DMD: variants seen among roughly 807,000 people sequenced by gnomAD.
DMD encodes mutant dystrophin.
A neutral mutation model predicts 330.1 loss-of-function variants in DMD; 63 were observed. That is an observed-to-expected ratio of 0.19 (90% CI 0.16 to 0.24). DMD has a LOEUF of 0.24. Ranked by LOEUF, DMD falls within the 10% of genes least tolerant of loss-of-function variation. The pLI, the probability that DMD is intolerant of heterozygous loss-of-function variation, is 1.00. For missense variants in DMD, 3,344 were observed against 2,684.1 expected, an observed-to-expected ratio of 1.25 and a Z score of -5.43; for synonymous variants, 1,223 against 959.8, an observed-to-expected ratio of 1.27 and a Z score of -5.07.
At chrX:32,259,171 T>C (rs1271709022) in intron 43 of DMD, among the ~76,000 whole-genome samples, 1 of 109,651 alleles carries the variant, frequency 9.1e-6, no homozygotes, top group African/African-American at 3.3e-5. Flanking sequence ...AAATATCTGT[T>C]ACTTAATAGA....
chrX:31,944,541 G>C (rs186360905), intron 45 of DMD, among the ~76,000 whole-genome samples: 1 of 105,160 alleles, frequency 9.5e-6, no homozygotes, highest in East Asian at 3.0e-4. Flanking sequence ...GCAGTGGTGC[G>C]ATCTCGGCTC....
At chrX:32,489,291 G>T (rs940057115) in intron 20 of DMD, among the ~76,000 whole-genome samples, 1 of 109,135 alleles carries the variant, frequency 9.2e-6, no homozygotes, top group Non-Finnish European at 1.9e-5. Context: ...TTGGTGATAG[G>T]ACTTTTAAGA....
At chrX:31,578,831 C>G (rs2076220732) in intron 55 of DMD, among the ~76,000 whole-genome samples, 1 of 112,186 alleles carries the variant, frequency 8.9e-6, no homozygotes, top group African/African-American at 3.2e-5. Context: ...TTTCAACCAA[C>G]AATTATTATT....
intron 7 of DMD, among the ~76,000 whole-genome samples, chrX:32,713,750 T>C (rs896728333): frequency 1.8e-5 from 2 of 111,973 alleles, no homozygotes; most frequent in African/African-American, 6.5e-5. Context: ...GAGAGTCGCA[T>C]ACATACATGT....
intron 2 of DMD, among the ~76,000 whole-genome samples, chrX:32,966,163 A>G (rs886888220): frequency 2.7e-5 from 3 of 111,833 alleles, no homozygotes; most frequent in African/African-American, 9.7e-5. Context: ...TCTAATTTGT[A>G]TAGGGGGTTA....
At chrX:32,761,207 C>G (rs1018395947) in intron 7 of DMD, among the ~76,000 whole-genome samples, 1 of 111,759 alleles carries the variant, frequency 8.9e-6, no homozygotes, top group Non-Finnish European at 1.9e-5. Flanking sequence ...ACCCACCTGG[C>G]CTATCCAGGG....
chrX:32,042,459 T>C (rs1056118274), intron 44 of DMD, among the ~76,000 whole-genome samples: 6 of 110,519 alleles, frequency 5.4e-5, no homozygotes, highest in Non-Finnish European at 3.8e-5. Flanking sequence ...TCTGATCTCA[T>C]GATTCACTAT....
intron 48 of DMD, among the ~76,000 whole-genome samples, chrX:31,871,103 G>C: frequency 9.0e-6 from 1 of 111,314 alleles, no homozygotes; most frequent in Non-Finnish European, 1.9e-5. Flanking sequence ...CATATTTTAT[G>C]TCTAAATTGA....
In DMD at chrX:31,600,856, C is replaced by T. The variant is rs748144655; in HGVS notation, c.8217+26817G>A. Among the ~76,000 whole-genome samples, 5 of 107,171 alleles carry T rather than the reference C, an allele frequency of 4.7e-5. No homozygotes were observed. The East Asian group carries it at 8.8e-4, about 19-fold the overall frequency. 93.1% of individuals were successfully genotyped at this position (107,171 alleles called of 115,157 possible). A position where few individuals can be genotyped will look rare whatever the true frequency, so the allele number is the denominator to read the frequency against. ...TCTGAGAAACCTCTCTCCCCAACAA[C>T]GGCTTCAGGTCTAGGAGAGGTGACA... is the stretch of plus-strand genomic sequence containing the variant. On this transcript the variant is annotated intron_variant, in intron 55 of 78. Transcript: ENST00000357033.
rs1170607195 is a variant in DMD at position 32,517,996 on chromosome X, T to C, written c.2292+12A>G. The C allele has an allele frequency of 8.3e-7, 1 of 1,208,391 alleles. No individual in the cohort carries two copies. The highest frequency in any genetic ancestry group is 1.1e-6 in the Non-Finnish European group (1 of 893,768). On this transcript the variant is annotated intron_variant, in intron 18 of 78. Transcript: ENST00000357033. ...AAATGAGTACAGATATAAAAATTAA[T>C]GCATAACCTACATTGACTTTTTCTT...
At chrX:32,253,769 G>C (rs766658449) in intron 43 of DMD, among the ~76,000 whole-genome samples, 4 of 103,809 alleles carry the variant, frequency 3.9e-5, no homozygotes, top group Non-Finnish European at 7.9e-5. Flanking sequence ...GACTATAGGC[G>C]TGCACCACCA....
intron 1 of DMD, among the ~76,000 whole-genome samples, chrX:33,075,168 G>A (rs2094820414): frequency 1.8e-5 from 2 of 111,828 alleles, no homozygotes; most frequent in African/African-American, 6.5e-5. Context: ...TATATTTCAT[G>A]TCTGATGACT....
intron 63 of DMD, among the ~76,000 whole-genome samples, chrX:31,223,661 G>A (rs1291723465): frequency 1.8e-5 from 2 of 111,691 alleles, no homozygotes; most frequent in East Asian, 2.8e-4. Flanking sequence ...AGGCACAACT[G>A]GCTGGATTCA....
At chrX:31,958,202 A>T (rs5972463) in intron 45 of DMD, among the ~76,000 whole-genome samples, 36,676 of 103,981 alleles carry the variant, frequency 0.35, 5,167 homozygotes, top group East Asian at 0.52. Context: ...AAAGGGAGAG[A>T]GAATTTACAG....
intron 2 of DMD, among the ~76,000 whole-genome samples, chrX:32,855,522 A>C: frequency 8.9e-6 from 1 of 112,098 alleles, no homozygotes; most frequent in Non-Finnish European, 1.9e-5. Flanking sequence ...GACCTAAAGT[A>C]AACTCATTTT....
At chrX:33,175,173 A>C (rs1317933945) in intron 1 of DMD, among the ~76,000 whole-genome samples, 1 of 112,335 alleles carries the variant, frequency 8.9e-6, no homozygotes, top group Admixed American at 9.4e-5. Flanking sequence ...CTATCTGATT[A>C]CTGGAGGAGA....
chrX:32,501,716 ATCCC>A (rs2148690411), intron 19 of DMD, 35 bp downstream of exon 19: 3 of 1,036,658 alleles, frequency 2.9e-6, no homozygotes, highest in Non-Finnish European at 4.0e-6. Flanking sequence ...TGTTTATCAA[ATCCC>A]TAAGAAGATT....
At chrX:31,536,087 C>T (rs911426660) in intron 55 of DMD, among the ~76,000 whole-genome samples, 25 of 111,648 alleles carry the variant, frequency 2.2e-4, no homozygotes, top group African/African-American at 7.8e-4. Flanking sequence ...GGTAGAAAAC[C>T]TATCCTGGGA....
intron 52 of DMD, among the ~76,000 whole-genome samples, chrX:31,690,035 A>T (rs1389060948): frequency 8.0e-5 from 9 of 111,999 alleles, no homozygotes; most frequent in African/African-American, 1.3e-4. Context: ...AACCTAGGCA[A>T]TACCATTCAG....
Sources: allele counts gnomAD v4.1 joint callset (sites outside exome capture counted in the v4.1 genomes callset), GRCh38; gene constraint gnomAD v4.1.1; transcripts MANE v1.5; gene names NCBI Gene and HGNC (gene_info 2026-07-23, HGNC 2026-07-21).